The following LIMCH1 variants were observed in gnomAD, a reference collection of about 807,000 sequenced individuals.
LIMCH1 encodes LIM and calponin homology domains-containing protein 1.
LIMCH1 carries 113 observed loss-of-function variants against 176.5 expected under a neutral mutation model. The observed-to-expected ratio is 0.64, with a 90% CI of 0.55 to 0.75. LIMCH1 has a LOEUF of 0.75. LIMCH1 is among the 30% of genes least tolerant of loss of function. LIMCH1 has a pLI of 0.00. For synonymous variants in LIMCH1, 619 were observed against 645.9 expected (o/e 0.96, Z 0.63); for missense variants, 1,674 against 1,814.9 (o/e 0.92, Z 1.41).
chr4:41,429,701 G>C (rs2061425462), intron 1 of LIMCH1, among the ~76,000 whole-genome samples: 1 of 152,146 alleles, frequency 6.6e-6, no homozygotes, highest in Non-Finnish European at 1.5e-5. Flanking sequence ...TTATCAGACA[G>C]GATGTGTTAG....
intron 20 of LIMCH1, 40 bp from the exon 21 acceptor site, chr4:41,666,521 A>G (rs1280933687): frequency 1.6e-6 from 2 of 1,290,206 alleles, no homozygotes; most frequent in Non-Finnish European, 2.3e-6. Flanking sequence ...TTATCAATGG[A>G]CAGTTCTTGC....
chr4:41,440,327 A>G (rs2062567041), intron 1 of LIMCH1, among the ~76,000 whole-genome samples: 1 of 152,170 alleles, frequency 6.6e-6, no homozygotes, highest in African/African-American at 2.4e-5. Flanking sequence ...ATTCTACAGA[A>G]ATATTTTTGA....
intron 1 of LIMCH1, among the ~76,000 whole-genome samples, chr4:41,429,585 G>A (rs993296822): frequency 2.0e-5 from 3 of 152,194 alleles, no homozygotes; most frequent in Admixed American, 2.0e-4. Flanking sequence ...AACCTATAAA[G>A]AATTATGGAA....
intron 6 of LIMCH1, 66 bp downstream of exon 6, chr4:41,619,506 T>C: frequency 6.3e-7 from 1 of 1,585,346 alleles, no homozygotes; most frequent in Non-Finnish European, 8.5e-7. Context: ...CTGCAGCTCC[T>C]GGACAGGAAC....
At chr4:41,472,375 T>C (rs1286194473) in intron 1 of LIMCH1, among the ~76,000 whole-genome samples, 1 of 143,326 alleles carries the variant, frequency 7.0e-6, no homozygotes, top group Non-Finnish European at 1.5e-5. Flanking sequence ...TCCCTCTCTT[T>C]CCTTCCTTCC....
At chr4:41,429,834 C>T (rs1177800476) in intron 1 of LIMCH1, among the ~76,000 whole-genome samples, 1 of 151,498 alleles carries the variant, frequency 6.6e-6, no homozygotes, top group Admixed American at 6.6e-5. Flanking sequence ...TGTAGATGCA[C>T]GTTGATAGAT....
chr4:41,463,223 G>C (rs960927344), intron 1 of LIMCH1, among the ~76,000 whole-genome samples: 1 of 151,962 alleles, frequency 6.6e-6, no homozygotes, highest in African/African-American at 2.4e-5. Flanking sequence ...CTTGGGCAGG[G>C]TGACTTGGGT....
At chr4:41,360,748 G>T, upstream of LIMCH1, 2 of 879,438 alleles carry the variant, frequency 2.3e-6, no homozygotes, top group South Asian at 4.6e-5. The surrounding 1 kb of genome is among the most constrained non-coding windows in gnomAD (Gnocchi z 4.5). Context: ...AGGGGAGGCC[G>T]GCGGGCGGGA....
At chr4:41,368,550 G>C (rs954495697) in intron 1 of LIMCH1, among the ~76,000 whole-genome samples, 3 of 152,150 alleles carry the variant, frequency 2.0e-5, no homozygotes, top group African/African-American at 7.2e-5. Flanking sequence ...TTTAAGCTAA[G>C]ACCACGGAAG....
intron 1 of LIMCH1, among the ~76,000 whole-genome samples, chr4:41,391,024 A>G (rs1581417964): frequency 1.3e-5 from 2 of 152,274 alleles, no homozygotes; most frequent in South Asian, 4.2e-4. Flanking sequence ...TGTTTGCCAC[A>G]CACTTTTTTT....
intron 7 of LIMCH1, among the ~76,000 whole-genome samples, chr4:41,626,003 C>G (rs984310515): frequency 6.6e-6 from 1 of 151,696 alleles, no homozygotes; most frequent in Non-Finnish European, 1.5e-5. Flanking sequence ...GGTGACAGAA[C>G]AAGACCCTGT....
At chr4:41,501,760 C>A (rs1465793137) in intron 2 of LIMCH1, among the ~76,000 whole-genome samples, 1 of 150,984 alleles carries the variant, frequency 6.6e-6, no homozygotes, top group Non-Finnish European at 1.5e-5. Flanking sequence ...ATTCCCTTGT[C>A]CACTGTATTA....
At chr4:41,685,280 A>T (rs1438967533) in intron 27 of LIMCH1, among the ~76,000 whole-genome samples, 1 of 152,168 alleles carries the variant, frequency 6.6e-6, no homozygotes, top group East Asian at 1.9e-4. Flanking sequence ...GCGTGTTCCC[A>T]AATGGAGATA....
chr4:41,443,046 TG>T (rs2062860583), intron 1 of LIMCH1, among the ~76,000 whole-genome samples: 1 of 152,194 alleles, frequency 6.6e-6, no homozygotes, highest in Admixed American at 6.5e-5. Flanking sequence ...TCATTTTTCA[TG>T]TGTGTTTAGT....
At chr4:41,531,406 T>G (rs2077267799) in intron 3 of LIMCH1, among the ~76,000 whole-genome samples, 1 of 151,602 alleles carries the variant, frequency 6.6e-6, no homozygotes, top group South Asian at 2.1e-4. Context: ...CAGAGTGATT[T>G]TATTCATAAT....
intron 1 of LIMCH1, among the ~76,000 whole-genome samples, chr4:41,427,282 T>A (rs2061203243): frequency 6.6e-6 from 1 of 152,100 alleles, no homozygotes; most frequent in South Asian, 2.1e-4. Flanking sequence ...AACTACTCAC[T>A]TCTTCTGACT....
chr4:41,561,746 T>C (rs1030629664), intron 1 of LIMCH1, among the ~76,000 whole-genome samples: 1 of 152,162 alleles, frequency 6.6e-6, no homozygotes, highest in Non-Finnish European at 1.5e-5. Context: ...AAATTCCTAC[T>C]GGGAATTTGA....
intron 1 of LIMCH1, among the ~76,000 whole-genome samples, chr4:41,449,035 G>C (rs144945376): frequency 6.6e-6 from 1 of 151,964 alleles, no homozygotes; most frequent in Non-Finnish European, 1.5e-5. Context: ...AAAAAAGCTG[G>C]TATTTTCTCC....
At chr4:41,383,759 G>T (rs1487607327) in intron 1 of LIMCH1, among the ~76,000 whole-genome samples, 1 of 152,138 alleles carries the variant, frequency 6.6e-6, no homozygotes, top group African/African-American at 2.4e-5. Flanking sequence ...GTATGTGTAT[G>T]TATATATTTA....
Sources: allele counts gnomAD v4.1 joint callset (sites outside exome capture counted in the v4.1 genomes callset), GRCh38; gene constraint gnomAD v4.1.1; non-coding constraint Gnocchi (gnomAD v3.1); transcripts MANE v1.5; gene names NCBI Gene and HGNC (gene_info 2026-07-23, HGNC 2026-07-21).